The following NRXN3 variants were observed in gnomAD, a reference collection of about 807,000 sequenced individuals.
NRXN3 encodes the protein neurexin III.
In NRXN3, 32 loss-of-function variants were observed where a neutral mutation model predicts 137.6. The observed-to-expected ratio is 0.23, with a 90% CI of 0.18 to 0.31. NRXN3 has a LOEUF of 0.31. Among genes scored for constraint, NRXN3 ranks in the 10% least tolerant of loss-of-function variants. The probability of loss-of-function intolerance (pLI) is 1.00; values close to 1 mark genes in which losing one functional copy is unlikely to be tolerated. For synonymous variants in NRXN3, 798 were observed against 784.5 expected (o/e 1.02, Z -0.29); for missense variants, 1,574 against 2,062.5 (o/e 0.76, Z 4.59).
intron 16 of NRXN3, among the ~76,000 whole-genome samples, chr14:79,542,063 GTT>G (rs1431963948): frequency 1.3e-5 from 2 of 152,202 alleles, no homozygotes; most frequent in Non-Finnish European, 2.9e-5. Flanking sequence ...AGAGGGGACT[GTT>G]TGCTATTTTG....
chr14:79,537,616 T>A (rs1003310863), intron 16 of NRXN3, among the ~76,000 whole-genome samples: 6 of 152,192 alleles, frequency 3.9e-5, no homozygotes, highest in Admixed American at 2.0e-4. Flanking sequence ...ACAAAGGACA[T>A]GAACTCATCA....
intron 4 of NRXN3, among the ~76,000 whole-genome samples, chr14:78,462,187 G>A (rs2094940185): frequency 6.6e-6 from 1 of 152,162 alleles, no homozygotes; most frequent in Non-Finnish European, 1.5e-5. Flanking sequence ...CTTACCCTGG[G>A]TTCCCAGAGG....
intron 19 of NRXN3, among the ~76,000 whole-genome samples, chr14:79,774,605 CA>C (rs2139914158): frequency 6.6e-6 from 1 of 152,222 alleles, no homozygotes; most frequent in Admixed American, 6.6e-5. Flanking sequence ...CATTCATTAT[CA>C]GACTCTGAAA....
intron 15 of NRXN3, among the ~76,000 whole-genome samples, chr14:79,107,692 AGG>A (rs2052698592): frequency 6.6e-6 from 1 of 152,086 alleles, no homozygotes; most frequent in African/African-American, 2.4e-5. Flanking sequence ...GTTCTTGGAT[AGG>A]GAGGTAGAGA....
intron 15 of NRXN3, among the ~76,000 whole-genome samples, chr14:79,349,519 C>T (rs1412385067): frequency 1.4e-5 from 2 of 147,978 alleles, no homozygotes; most frequent in African/African-American, 5.1e-5. Flanking sequence ...GTGTATCTCA[C>T]CTCCGTCCTC....
chr14:79,783,797 T>C (rs1272252798), intron 19 of NRXN3, among the ~76,000 whole-genome samples: 1 of 152,180 alleles, frequency 6.6e-6, no homozygotes, highest in Non-Finnish European at 1.5e-5. Context: ...TAGCACTCAT[T>C]TTGTGAGGAC....
At chr14:78,363,864 C>G (rs971185397) in intron 4 of NRXN3, among the ~76,000 whole-genome samples, 1 of 152,186 alleles carries the variant, frequency 6.6e-6, no homozygotes, top group African/African-American at 2.4e-5. Context: ...AGATAAAATG[C>G]TTATTGTTTT....
chr14:79,823,838 T>C (rs2099280182), intron 20 of NRXN3: 2 of 371,136 alleles, frequency 5.4e-6, no homozygotes, highest in Non-Finnish European at 5.9e-6. Context: ...ATGATGATGA[T>C]GATATGCAGG....
At chr14:79,279,357 T>C (rs1699649694) in intron 15 of NRXN3, 3 of 985,808 alleles carry the variant, frequency 3.0e-6, no homozygotes, top group Admixed American at 6.1e-5. Flanking sequence ...TGCCCATTTG[T>C]GAATTTGGCT....
At chr14:78,774,692 C>G (rs969420870) in intron 8 of NRXN3, among the ~76,000 whole-genome samples, 10 of 152,048 alleles carry the variant, frequency 6.6e-5, no homozygotes, top group African/African-American at 2.2e-4. Flanking sequence ...CTGAGGCAGG[C>G]AGATCGCTTG....
In NRXN3 at chr14:79,502,753, A is replaced by G. The variant is rs148674823; in HGVS notation, c.3444+35351A>G. Among the ~76,000 whole-genome samples, 84 of 151,970 alleles carry G rather than the reference A, an allele frequency of 5.5e-4. 2 individuals are homozygous for G. The highest frequency in any genetic ancestry group is 1.9e-3 in the African/African-American group (79 of 41,462). On this transcript the variant is annotated intron_variant, in intron 16 of 20. Coordinates refer to ENST00000335750, the MANE Select transcript of NRXN3 (RefSeq NM_001330195.2). ...TAGACCTTTGTTTCCCTACTCCTTT[A>G]TCATAGCATGCTGGTTCTCAGACCT... is the stretch of plus-strand genomic sequence containing the variant.
intron 6 of NRXN3, among the ~76,000 whole-genome samples, chr14:78,656,169 G>A (rs1014045816): frequency 6.6e-6 from 1 of 152,130 alleles, no homozygotes; most frequent in African/African-American, 2.4e-5. Context: ...ACAAATATGA[G>A]TCAAACATGT....
rs148473514 is a variant in NRXN3 at position 79,569,310 on chromosome 14, C to G, written c.3445-94468C>G. Among the ~76,000 whole-genome samples the G allele has an allele frequency of 1.6e-4, 25 of 152,200 alleles. No homozygotes were observed. In the East Asian group the frequency reaches 4.8e-3, roughly 29 times the overall value. ...TGTGGCTTAGGAGAGAACAAAAACA[C>G]ATCTATGTATTCATTGCCTTGTTCA... On this transcript the variant is annotated intron_variant, in intron 16 of 20. Transcript: ENST00000335750.
chr14:78,985,930 G>A (rs1034197710), intron 14 of NRXN3, among the ~76,000 whole-genome samples: 1 of 152,184 alleles, frequency 6.6e-6, no homozygotes, highest in African/African-American at 2.4e-5. Context: ...AATAGGAGCT[G>A]CAGAAAGCCA....
intron 15 of NRXN3, among the ~76,000 whole-genome samples, chr14:78,992,794 G>A (rs761455688): frequency 3.3e-5 from 5 of 152,146 alleles, no homozygotes; most frequent in Non-Finnish European, 7.4e-5. Context: ...CAATTTGGGG[G>A]TTTGGTTATT....
At chr14:78,638,976 T>C (rs1055096733) in intron 4 of NRXN3, among the ~76,000 whole-genome samples, 4 of 152,218 alleles carry the variant, frequency 2.6e-5, no homozygotes, top group Middle Eastern at 3.2e-3. Flanking sequence ...CTTCTTTGCC[T>C]GGAAAGCACT....
intron 1 of NRXN3, among the ~76,000 whole-genome samples, chr14:78,191,413 G>A (rs2060716007): frequency 1.3e-5 from 2 of 152,170 alleles, no homozygotes; most frequent in Non-Finnish European, 2.9e-5. Context: ...ATTTGTGACT[G>A]TGATGAAACA....
intron 15 of NRXN3, among the ~76,000 whole-genome samples, chr14:79,085,231 T>C (rs548178720): frequency 6.6e-6 from 1 of 152,340 alleles, no homozygotes; most frequent in South Asian, 2.1e-4. Context: ...AATACATTTA[T>C]ATGGCTAATT....
At chr14:79,852,513 C>A (rs1185049001) in intron 20 of NRXN3, among the ~76,000 whole-genome samples, 2 of 152,064 alleles carry the variant, frequency 1.3e-5, no homozygotes, top group African/African-American at 2.4e-5. Flanking sequence ...TATATGATAA[C>A]CCATTTGTCA....
Sources: gnomAD v4.1 joint callset for allele counts (sites outside exome capture counted in the v4.1 genomes callset) on GRCh38, gnomAD v4.1.1 for gene constraint, MANE v1.5 for transcripts, NCBI Gene and HGNC (gene_info 2026-07-23, HGNC 2026-07-21) for gene names.